The following NEGR1 variants were observed in gnomAD, a reference collection of about 807,000 sequenced individuals.
The protein encoded by NEGR1 is neuronal growth regulator 1, also known as IgLON family member 4.
A neutral mutation model predicts 40.9 loss-of-function variants in NEGR1; 10 were observed. The ratio of observed to expected loss-of-function variants is 0.24; its 90% CI spans 0.15 to 0.42. The LOEUF (loss-of-function observed/expected upper bound fraction) is 0.42, where lower values mean the gene tolerates loss of function less well. NEGR1 is among the 10% of genes least tolerant of loss of function. The probability of loss-of-function intolerance (pLI) is 1.00; values close to 1 mark genes in which losing one functional copy is unlikely to be tolerated. For missense variants in NEGR1, 352 were observed against 438.9 expected (o/e 0.80, Z 1.77); for synonymous variants, 185 against 166.8 (o/e 1.11, Z -0.84).
intron 5 of NEGR1, among the ~76,000 whole-genome samples, chr1:71,602,255 T>TC (rs1649946851): frequency 8.3e-6 from 1 of 120,534 alleles, no homozygotes; most frequent in Non-Finnish European, 1.7e-5. Flanking sequence ...TTTTTTTTTT[T>TC]TTTTTTTTTT....
At chr1:71,414,655 G>A (rs750223227) in intron 6 of NEGR1, among the ~76,000 whole-genome samples, 5 of 152,160 alleles carry the variant, frequency 3.3e-5, no homozygotes, top group Non-Finnish European at 5.9e-5. Context: ...GTTGCACAGC[G>A]ATTTCTAGGA....
chr1:72,185,669 A>G lies in NEGR1; in HGVS notation c.176+96650T>C, dbSNP rs549873745. Among the ~76,000 whole-genome samples the G allele has an allele frequency of 5.9e-5, 9 of 152,062 alleles. No homozygotes were observed. In the South Asian group the frequency reaches 1.4e-3, roughly 24 times the overall value. ...ATGGGGGAGCGACTAGATGAAAAAC[A>G]TTAAAATACATCTAATATTTTATTA... On this transcript the variant is annotated intron_variant, in intron 1 of 6. Coordinates refer to ENST00000357731, the MANE Select transcript of NEGR1 (RefSeq NM_173808.3).
At chr1:71,536,193 A>G (rs1178301687) in intron 6 of NEGR1, among the ~76,000 whole-genome samples, 1 of 151,716 alleles carries the variant, frequency 6.6e-6, no homozygotes, top group Non-Finnish European at 1.5e-5. Context: ...TCCAATTATA[A>G]CATGGTGAAT....
intron 1 of NEGR1, among the ~76,000 whole-genome samples, chr1:72,100,301 A>C (rs962994047): frequency 6.6e-6 from 1 of 152,178 alleles, no homozygotes; most frequent in Non-Finnish European, 1.5e-5. Context: ...AGAAAACCAC[A>C]TACATGCATG....
chr1:71,652,459 A>G (rs540478887), intron 4 of NEGR1, among the ~76,000 whole-genome samples: 24 of 152,318 alleles, frequency 1.6e-4, no homozygotes, highest in African/African-American at 5.1e-4. Flanking sequence ...ATGGAAACGC[A>G]GCACAGCCAT....
At position 71,656,878 on chromosome 1, in the gene NEGR1, C is replaced by T. The variant is rs141216519; in HGVS notation, c.667+41130G>A. ...GTTAGGCTCTGGGATATTTTGATTT[C>T]GTTTTTCTAAATAATTGCAACATAT... On this transcript the variant is annotated intron_variant, in intron 4 of 6. Coordinates refer to ENST00000357731, the MANE Select transcript of NEGR1 (RefSeq NM_173808.3). 1.4e-4 allele frequency among the ~76,000 whole-genome samples: 22 copies of T among 152,182 alleles called. No individual in the cohort carries two copies. In the East Asian group the frequency reaches 4.3e-3, roughly 29 times the overall value.
At chr1:72,065,453 T>G (rs2100501008) in intron 1 of NEGR1, among the ~76,000 whole-genome samples, 1 of 152,218 alleles carries the variant, frequency 6.6e-6, no homozygotes, top group South Asian at 2.1e-4. Flanking sequence ...TTGCTAACTG[T>G]CTGCCCAAAT....
rs1557557994 is a variant in NEGR1, at chr1:72,163,759, TAGATA to T, written c.176+118555_176+118559del. The stretch of plus-strand genomic sequence containing the variant: ...ATAGATAGATAGATAGATAGATAGA[TAGATA>T]TAGATTTAGATATGTTTAAGTTCTT... On this transcript the variant is annotated intron_variant, in intron 1 of 6. Transcript: ENST00000357731. Among the ~76,000 whole-genome samples the T allele has an allele frequency of 5.0e-4, 68 of 136,804 alleles. 2 individuals are homozygous for T. The South Asian group carries it at 0.014, about 29-fold the overall frequency. The allele number at this position is 136,804 out of a possible 152,430, so 89.7% of individuals were successfully genotyped here. A position where few individuals can be genotyped will look rare whatever the true frequency, so the allele number is the denominator to read the frequency against.
At chr1:71,855,829 G>T (rs1356600013) in intron 2 of NEGR1, among the ~76,000 whole-genome samples, 1 of 151,934 alleles carries the variant, frequency 6.6e-6, no homozygotes, top group Non-Finnish European at 1.5e-5. Context: ...GTTGAATTTA[G>T]AAAAAATATA....
intron 5 of NEGR1, among the ~76,000 whole-genome samples, chr1:71,605,104 A>G (rs1650038569): frequency 6.6e-6 from 1 of 152,178 alleles, no homozygotes; most frequent in African/African-American, 2.4e-5. Context: ...AAAAAATTCC[A>G]AAAAAGCACT....
intron 2 of NEGR1, among the ~76,000 whole-genome samples, chr1:71,789,713 A>C (rs536726077): frequency 6.6e-6 from 1 of 152,206 alleles, no homozygotes; most frequent in Admixed American, 6.6e-5. Context: ...AAGACTGAAA[A>C]GTGTAATTCC....
intron 1 of NEGR1, among the ~76,000 whole-genome samples, chr1:72,119,226 T>A (rs758343042): frequency 6.6e-5 from 10 of 151,970 alleles, no homozygotes; most frequent in Non-Finnish European, 1.3e-4. Context: ...TGAGCATTAA[T>A]ATATAAATTC....
intron 3 of NEGR1, among the ~76,000 whole-genome samples, chr1:71,768,826 A>G (rs1282668707): frequency 1.3e-5 from 2 of 152,130 alleles, no homozygotes; most frequent in African/African-American, 4.8e-5. Context: ...TTTTTCATAA[A>G]TGGTTTAGCA....
intron 1 of NEGR1, among the ~76,000 whole-genome samples, chr1:72,122,042 A>T (rs1649825109): frequency 6.6e-6 from 1 of 151,984 alleles, no homozygotes; most frequent in South Asian, 2.1e-4. Context: ...TTTACCCTAA[A>T]ATATGCATAA....
chr1:72,191,808 T>A (rs1257408994), intron 1 of NEGR1, among the ~76,000 whole-genome samples: 1 of 151,742 alleles, frequency 6.6e-6, no homozygotes, highest in Non-Finnish European at 1.5e-5. Flanking sequence ...GTATCTATCT[T>A]GCCTAGGCCA....
chr1:71,517,290 C>T (rs1279996012), intron 6 of NEGR1, among the ~76,000 whole-genome samples: 1 of 61,212 alleles, frequency 1.6e-5, no homozygotes, highest in Admixed American at 1.9e-4. Flanking sequence ...GAATTTTAGA[C>T]CAATATCCTT....
chr1:71,412,501 CCTT>C (rs1427462674), intron 6 of NEGR1, among the ~76,000 whole-genome samples: 2 of 152,226 alleles, frequency 1.3e-5, no homozygotes, highest in Non-Finnish European at 2.9e-5. Flanking sequence ...GAACATTCCT[CCTT>C]ATATGTGCAT....
chr1:72,224,659 AT>A (rs1654118227), intron 1 of NEGR1, among the ~76,000 whole-genome samples: 1 of 152,010 alleles, frequency 6.6e-6, no homozygotes, highest in Non-Finnish European at 1.5e-5. Context: ...CAGAGTCTGG[AT>A]TTTAAAAAGT....
At chr1:71,870,505 T>C (rs1240982837) in intron 2 of NEGR1, among the ~76,000 whole-genome samples, 1 of 152,146 alleles carries the variant, frequency 6.6e-6, no homozygotes, top group Non-Finnish European at 1.5e-5. Flanking sequence ...AATTGGTGGA[T>C]GACATTAAAA....
Sources: gnomAD v4.1 joint callset for allele counts (sites outside exome capture counted in the v4.1 genomes callset) on GRCh38, gnomAD v4.1.1 for gene constraint, MANE v1.5 for transcripts, NCBI Gene and HGNC (gene_info 2026-07-23, HGNC 2026-07-21) for gene names.